Variants in C1orf21 observed in about 807,000 individuals in gnomAD.
C1orf21 encodes uncharacterized protein C1orf21.
C1orf21 carries 3 observed loss-of-function variants against 18.7 expected under a neutral mutation model. That is an observed-to-expected ratio of 0.16 (90% CI 0.07 to 0.42). The LOEUF is 0.42. Among genes scored for constraint, C1orf21 ranks in the 10% least tolerant of loss-of-function variants. The pLI is 0.99. For synonymous variants in C1orf21, 41 were observed against 46.4 expected (o/e 0.88, Z 0.47); for missense variants, 104 against 143.6 (o/e 0.72, Z 1.41).
chr1:184,527,921 A>G (rs566693130), intron 3 of C1orf21, among the ~76,000 whole-genome samples: 4 of 152,192 alleles, frequency 2.6e-5, no homozygotes, highest in Non-Finnish European at 5.9e-5. Context: ...GTTTTATCCC[A>G]TGGACATTGG....
At chr1:184,558,958 G>A (rs1009504962) in intron 3 of C1orf21, among the ~76,000 whole-genome samples, 1 of 152,184 alleles carries the variant, frequency 6.6e-6, no homozygotes, top group Non-Finnish European at 1.5e-5. Flanking sequence ...GACAAGGTAT[G>A]AGTCCAGAAT....
intron 3 of C1orf21, among the ~76,000 whole-genome samples, chr1:184,572,649 T>G (rs551000476): frequency 4.6e-5 from 7 of 152,276 alleles, no homozygotes; most frequent in African/African-American, 1.7e-4. Context: ...ATGCAAGATT[T>G]TTTTTAAAAA....
At chr1:184,460,581 A>G (rs1274008224) in intron 1 of C1orf21, among the ~76,000 whole-genome samples, 1 of 151,690 alleles carries the variant, frequency 6.6e-6, no homozygotes, top group African/African-American at 2.4e-5. Context: ...GATTGACTTG[A>G]TAAGCATCTG....
At chr1:184,438,396 A>G (rs535879689) in intron 1 of C1orf21, among the ~76,000 whole-genome samples, 35 of 152,170 alleles carry the variant, frequency 2.3e-4, no homozygotes, top group Admixed American at 1.3e-4. Flanking sequence ...GTGTTCTTCT[A>G]TGGCAATGTT....
At chr1:184,494,780 A>G (rs752424052) in intron 2 of C1orf21, among the ~76,000 whole-genome samples, 11 of 151,856 alleles carry the variant, frequency 7.2e-5, no homozygotes, top group Non-Finnish European at 1.5e-4. Flanking sequence ...GAAAGCAAAG[A>G]TTTTTAAGAT....
chr1:184,566,762 G>C (rs569609547), intron 3 of C1orf21: 27 of 401,632 alleles, frequency 6.7e-5, no homozygotes, highest in African/African-American at 5.5e-4. Context: ...AGGAAAGGCT[G>C]GCTGGTGTTG....
At chr1:184,510,792 A>T (rs1423965077) in intron 3 of C1orf21, among the ~76,000 whole-genome samples, 1 of 146,228 alleles carries the variant, frequency 6.8e-6, no homozygotes, top group African/African-American at 2.5e-5. Flanking sequence ...TAAACTGGGG[A>T]TTGGTAGAAT....
At chr1:184,454,125 A>G (rs1345803004) in intron 1 of C1orf21, among the ~76,000 whole-genome samples, 3 of 152,212 alleles carry the variant, frequency 2.0e-5, no homozygotes, top group Non-Finnish European at 4.4e-5. Context: ...GCAACTTTGT[A>G]TGTTTAAAAC....
At chr1:184,493,409 T>C (rs552132478) in intron 2 of C1orf21, among the ~76,000 whole-genome samples, 7 of 152,254 alleles carry the variant, frequency 4.6e-5, no homozygotes, top group Non-Finnish European at 8.8e-5. Flanking sequence ...TGAAAAATCA[T>C]GATGTTAAAT....
At chr1:184,482,673 C>G (rs1285529013) in intron 2 of C1orf21, among the ~76,000 whole-genome samples, 1 of 152,152 alleles carries the variant, frequency 6.6e-6, no homozygotes, top group South Asian at 2.1e-4. Context: ...GAAGATGTGA[C>G]AAAGTCTGTG....
chr1:184,608,356 C>T (rs1411527008), intron 5 of C1orf21, among the ~76,000 whole-genome samples: 1 of 152,176 alleles, frequency 6.6e-6, no homozygotes, highest in African/African-American at 2.4e-5. Context: ...CTACACCTTC[C>T]CCTGGGTCCC....
intron 3 of C1orf21, among the ~76,000 whole-genome samples, chr1:184,588,091 C>G (rs944624368): frequency 2.3e-4 from 35 of 152,118 alleles, no homozygotes; most frequent in African/African-American, 8.2e-4. Flanking sequence ...GAAAGCTGAA[C>G]TAGGCATTGT....
chr1:184,395,739 A>G (rs1259421043), intron 1 of C1orf21, among the ~76,000 whole-genome samples: 2 of 152,108 alleles, frequency 1.3e-5, no homozygotes, highest in Non-Finnish European at 2.9e-5. Flanking sequence ...CCACTGTCCA[A>G]CGTAGTTAAT....
chr1:184,443,233 C>G (rs1242094449), intron 1 of C1orf21, among the ~76,000 whole-genome samples: 1 of 152,090 alleles, frequency 6.6e-6, no homozygotes, highest in Non-Finnish European at 1.5e-5. Flanking sequence ...TGGACTGTTC[C>G]TCTGTGCCTT....
intron 1 of C1orf21, among the ~76,000 whole-genome samples, chr1:184,424,074 A>T (rs1285201290): frequency 2.0e-5 from 3 of 152,100 alleles, no homozygotes; most frequent in Non-Finnish European, 4.4e-5. Flanking sequence ...GATTGAGTGA[A>T]ATCTCCTTTA....
At chr1:184,423,262 A>G (rs774046692) in intron 1 of C1orf21, among the ~76,000 whole-genome samples, 23 of 152,244 alleles carry the variant, frequency 1.5e-4, no homozygotes, top group Non-Finnish European at 2.8e-4. Flanking sequence ...CACCAGTCTC[A>G]TAGAAGAGAA....
At chr1:184,582,034 CTTGAGTTAA>C (rs1471127077) in intron 3 of C1orf21, among the ~76,000 whole-genome samples, 2 of 152,116 alleles carry the variant, frequency 1.3e-5, no homozygotes, top group Non-Finnish European at 1.5e-5. Context: ...ATACTGGTGG[CTTGAGTTAA>C]TTGTTGAATC....
chr1:184,589,116 C>T (rs1659400749), intron 3 of C1orf21, among the ~76,000 whole-genome samples: 1 of 152,208 alleles, frequency 6.6e-6, no homozygotes, highest in Non-Finnish European at 1.5e-5. Context: ...AGTCACTTTC[C>T]TGCCTCAGCA....
At chr1:184,456,266 A>G (rs1246693763) in intron 1 of C1orf21, among the ~76,000 whole-genome samples, 1 of 152,188 alleles carries the variant, frequency 6.6e-6, no homozygotes, top group African/African-American at 2.4e-5. Context: ...CCTGTCCTCA[A>G]GCTTTGTGCT....
Sources: allele counts gnomAD v4.1 joint callset (sites outside exome capture counted in the v4.1 genomes callset), GRCh38; gene constraint gnomAD v4.1.1; transcripts MANE v1.5; gene names NCBI Gene and HGNC (gene_info 2026-07-23, HGNC 2026-07-21).